The following CAMTA1 variants were observed in gnomAD, a reference collection of about 807,000 sequenced individuals.
CAMTA1 encodes the protein calmodulin binding transcription activator 1, also known as calmodulin-binding transcription activator 1.
CAMTA1 carries 27 observed loss-of-function variants against 170.9 expected under a neutral mutation model. The ratio of observed to expected loss-of-function variants is 0.16; its 90% CI spans 0.12 to 0.22. The LOEUF (loss-of-function observed/expected upper bound fraction) is 0.22. Ranked by LOEUF, CAMTA1 falls within the 10% of genes least tolerant of loss-of-function variation. The pLI is 1.00. For synonymous variants in CAMTA1, 833 were observed against 891.5 expected (o/e 0.93, Z 1.17); for missense variants, 1,619 against 2,217.2 (o/e 0.73, Z 5.42).
chr1:7,740,086 C>T (rs1274907531), intron 16 of CAMTA1, among the ~76,000 whole-genome samples: 2 of 152,158 alleles, frequency 1.3e-5, no homozygotes, highest in Non-Finnish European at 2.9e-5. Context: ...ATGGGAGCTA[C>T]AGTTCAACAT....
intron 3 of CAMTA1, among the ~76,000 whole-genome samples, chr1:7,047,435 C>G (rs1409073127): frequency 1.3e-5 from 2 of 152,148 alleles, no homozygotes; most frequent in Non-Finnish European, 2.9e-5. Flanking sequence ...ACACGCAGGA[C>G]CTGAAGGATA....
At chr1:7,392,908 G>A (rs914610809) in intron 5 of CAMTA1, among the ~76,000 whole-genome samples, 1 of 151,538 alleles carries the variant, frequency 6.6e-6, no homozygotes, top group Non-Finnish European at 1.5e-5. Flanking sequence ...TATAAGCTGA[G>A]TGTGGTGGTT....
intron 7 of CAMTA1, among the ~76,000 whole-genome samples, chr1:7,660,566 C>G (rs924688327): frequency 6.6e-6 from 1 of 152,104 alleles, no homozygotes; most frequent in Non-Finnish European, 1.5e-5. Context: ...AACTTGGACT[C>G]AAATCCATGT....
chr1:7,459,514 T>A (rs770125171), intron 5 of CAMTA1, among the ~76,000 whole-genome samples: 2 of 152,226 alleles, frequency 1.3e-5, no homozygotes, highest in Non-Finnish European at 2.9e-5. Flanking sequence ...GAGCACCTAC[T>A]TCTTCCTGAC....
intron 5 of CAMTA1, among the ~76,000 whole-genome samples, chr1:7,460,391 C>G (rs1300564080): frequency 6.6e-6 from 1 of 152,198 alleles, no homozygotes; most frequent in Non-Finnish European, 1.5e-5. Flanking sequence ...TTGATTTGGT[C>G]TCGTGTGTTT....
chr1:6,932,021 T>G (rs1014316306), intron 3 of CAMTA1, among the ~76,000 whole-genome samples: 1 of 152,226 alleles, frequency 6.6e-6, no homozygotes, highest in Non-Finnish European at 1.5e-5. Flanking sequence ...TATTCTTTTC[T>G]GAAAACAGCT....
intron 11 of CAMTA1, among the ~76,000 whole-genome samples, chr1:7,688,537 G>A (rs2096277875): frequency 6.6e-6 from 1 of 152,152 alleles, no homozygotes; most frequent in African/African-American, 2.4e-5. Context: ...GCAGCTGCCG[G>A]GAGAAGTGGT....
intron 11 of CAMTA1, among the ~76,000 whole-genome samples, chr1:7,683,797 T>C (rs1290410000): frequency 6.6e-6 from 1 of 152,212 alleles, no homozygotes; most frequent in Non-Finnish European, 1.5e-5. Context: ...CCTCCGTCAT[T>C]ATACATTGCG....
chr1:7,733,216 G>T (rs956686470), intron 12 of CAMTA1, among the ~76,000 whole-genome samples: 1 of 148,372 alleles, frequency 6.7e-6, no homozygotes. Flanking sequence ...AGAAGAAGAA[G>T]AAAAAAAAAG....
Position 7,619,174 on chromosome 1 carries a change from A to G in CAMTA1, c.511-21226A>G, listed in dbSNP as rs530031231. On this transcript the variant is annotated intron_variant, in intron 6 of 22. Transcript: ENST00000303635. ...ACAGTCCAACTTCTCTCCACCTGCC[A>G]TCTACCATCACCACGGAGCCATGCC... Among the ~76,000 whole-genome samples the G allele has an allele frequency of 2.0e-5, 3 of 152,348 alleles. No homozygotes were observed. In the East Asian group the frequency reaches 5.8e-4, roughly 29 times the overall value.
intron 3 of CAMTA1, among the ~76,000 whole-genome samples, chr1:6,907,383 C>G (rs930563074): frequency 3.3e-5 from 5 of 152,124 alleles, no homozygotes; most frequent in African/African-American, 1.2e-4. Context: ...CTGCCCTCCC[C>G]CCGCTGTCCC....
intron 11 of CAMTA1, among the ~76,000 whole-genome samples, chr1:7,717,047 A>C (rs1000350558): frequency 8.5e-5 from 13 of 152,218 alleles, no homozygotes; most frequent in Middle Eastern, 3.4e-3. Context: ...ACATGATCTC[A>C]CTCCTAGGCA....
At chr1:7,362,221 A>G (rs142502309) in intron 5 of CAMTA1, among the ~76,000 whole-genome samples, 108 of 152,358 alleles carry the variant, frequency 7.1e-4, no homozygotes, top group African/African-American at 2.5e-3. Flanking sequence ...GGGCCTGGGT[A>G]GAATTGATGA....
At chr1:7,671,861 G>A (rs2096063314) in intron 10 of CAMTA1, among the ~76,000 whole-genome samples, 2 of 152,188 alleles carry the variant, frequency 1.3e-5, no homozygotes, top group African/African-American at 4.8e-5. Flanking sequence ...GTCCCATGGG[G>A]TCAGGGACTA....
chr1:7,025,560 TG>T (rs1701909348), intron 3 of CAMTA1, among the ~76,000 whole-genome samples: 1 of 152,194 alleles, frequency 6.6e-6, no homozygotes, highest in South Asian at 2.1e-4. Context: ...TGCAACTCTG[TG>T]CCAGGCACTG....
At chr1:7,133,722 G>A (rs1645390754) in intron 4 of CAMTA1, among the ~76,000 whole-genome samples, 1 of 152,194 alleles carries the variant, frequency 6.6e-6, no homozygotes, top group Non-Finnish European at 1.5e-5. Flanking sequence ...TGTGGTGAGA[G>A]AGTGGGAGAA....
chr1:7,107,277 C>CGTGTGTGT (rs767461350), intron 4 of CAMTA1, among the ~76,000 whole-genome samples: 14 of 14,044 alleles, frequency 1.0e-3, no homozygotes, highest in Non-Finnish European at 1.3e-3. Flanking sequence ...TGTGTGTGTG[C>CGTGTGTGT]ATGTGTGTGT....
intron 4 of CAMTA1, among the ~76,000 whole-genome samples, chr1:7,189,035 T>C (rs956377623): frequency 3.3e-5 from 5 of 152,186 alleles, no homozygotes; most frequent in Admixed American, 6.5e-5. Flanking sequence ...CATCACACTT[T>C]AAGCTTCACA....
intron 11 of CAMTA1, among the ~76,000 whole-genome samples, chr1:7,723,426 GTGAT>G (rs1282659724): frequency 2.0e-5 from 3 of 152,154 alleles, no homozygotes; most frequent in African/African-American, 7.2e-5. Flanking sequence ...ATATAAATAA[GTGAT>G]TGACTAAATA....
Sources: gnomAD v4.1 joint callset for allele counts (sites outside exome capture counted in the v4.1 genomes callset) on GRCh38, gnomAD v4.1.1 for gene constraint, MANE v1.5 for transcripts, NCBI Gene and HGNC (gene_info 2026-07-23, HGNC 2026-07-21) for gene names.